The following PAK5 variants were observed in gnomAD, a reference collection of about 807,000 sequenced individuals.
PAK5 encodes the protein serine/threonine-protein kinase PAK 5.
PAK5 carries 16 observed loss-of-function variants against 65.9 expected under a neutral mutation model. The observed-to-expected ratio is 0.24, with a 90% confidence interval of 0.16 to 0.37. The LOEUF (loss-of-function observed/expected upper bound fraction) is 0.37, where lower values mean the gene tolerates loss of function less well. Ranked by LOEUF, PAK5 falls within the 10% of genes least tolerant of loss-of-function variation. The pLI is 1.00. For missense variants in PAK5, 785 were observed against 903.9 expected (o/e 0.87, Z 1.69); for synonymous variants, 371 against 354.9 (o/e 1.05, Z -0.51).
chr20:9,621,658 A>T (rs2123188757), intron 3 of PAK5, among the ~76,000 whole-genome samples: 1 of 152,330 alleles, frequency 6.6e-6, no homozygotes, highest in Admixed American at 6.5e-5. Context: ...TGAAGTTTAA[A>T]TAAGTACAGT....
intron 6 of PAK5, among the ~76,000 whole-genome samples, chr20:9,559,872 G>A (rs2045566609): frequency 6.6e-6 from 1 of 152,180 alleles, no homozygotes; most frequent in African/African-American, 2.4e-5. Context: ...TCTGTGTTCT[G>A]GGTTTTGTGG....
At chr20:9,823,968 G>A (rs2123777363) in intron 1 of PAK5, among the ~76,000 whole-genome samples, 1 of 152,232 alleles carries the variant, frequency 6.6e-6, no homozygotes, top group East Asian at 1.9e-4. Flanking sequence ...GCCATAAAAT[G>A]GGAATAATGA....
chr20:9,562,823 T>A, intron 6 of PAK5, 68 bp downstream of exon 6: 13 of 1,436,476 alleles, frequency 9.0e-6, no homozygotes, highest in Non-Finnish European at 1.3e-5. Flanking sequence ...GAGTTCATAG[T>A]CACTGCGGCT....
At chr20:9,659,656 C>A (rs73240979) in intron 2 of PAK5, among the ~76,000 whole-genome samples, 8 of 152,114 alleles carry the variant, frequency 5.3e-5, no homozygotes, top group African/African-American at 1.7e-4. Flanking sequence ...TTTGCTGTTA[C>A]GAGTAAAGAA....
At chr20:9,828,281 G>A (rs6056915) in intron 1 of PAK5, among the ~76,000 whole-genome samples, 45,784 of 152,078 alleles carry the variant, frequency 0.3, 7,473 homozygotes, top group Admixed American at 0.38. Flanking sequence ...AACTCAAGGC[G>A]TGAATAACTA....
intron 2 of PAK5, among the ~76,000 whole-genome samples, chr20:9,693,417 C>A (rs554986252): frequency 1.3e-5 from 2 of 152,086 alleles, no homozygotes; most frequent in South Asian, 2.1e-4. Context: ...TCTCTCTCTT[C>A]ATCTCTCGTT....
intron 3 of PAK5, among the ~76,000 whole-genome samples, chr20:9,582,746 G>A (rs1364538964): frequency 6.6e-6 from 1 of 152,064 alleles, no homozygotes; most frequent in Non-Finnish European, 1.5e-5. Context: ...CAGGAGACTT[G>A]CTTATTTGCT....
At chr20:9,788,597 C>CA (rs33942633) in intron 1 of PAK5, among the ~76,000 whole-genome samples, 111,032 of 151,938 alleles carry the variant, frequency 0.73, 40,658 homozygotes, top group Admixed American at 0.77. Context: ...TATCACCTTG[C>CA]AAAAAACAGC....
At chr20:9,596,509 G>A (rs559800844) in intron 3 of PAK5, among the ~76,000 whole-genome samples, 13 of 151,966 alleles carry the variant, frequency 8.6e-5, no homozygotes, top group African/African-American at 2.2e-4. Context: ...GGTGGTGGGC[G>A]CCTATAGTCC....
chr20:9,757,173 T>C (rs1256009541), intron 1 of PAK5, among the ~76,000 whole-genome samples: 2 of 152,188 alleles, frequency 1.3e-5, no homozygotes, highest in South Asian at 2.1e-4. Flanking sequence ...ACTATACTTG[T>C]GTTAGAATCC....
chr20:9,539,938 C>T (rs149785506), intron 9 of PAK5, among the ~76,000 whole-genome samples: 51 of 152,318 alleles, frequency 3.3e-4, no homozygotes, highest in African/African-American at 9.1e-4. Context: ...GCTGGTCACA[C>T]GTGCTTGATG....
At chr20:9,572,961 G>T (rs1228218126) in intron 4 of PAK5, among the ~76,000 whole-genome samples, 1 of 152,138 alleles carries the variant, frequency 6.6e-6, no homozygotes, top group Admixed American at 6.5e-5. Context: ...CACCCAGGCT[G>T]CTAAACTGCT....
chr20:9,758,965 G>A (rs2048666912), intron 1 of PAK5, among the ~76,000 whole-genome samples: 2 of 152,022 alleles, frequency 1.3e-5, no homozygotes, highest in African/African-American at 4.8e-5. Context: ...GTAGTTCCAG[G>A]TCTGCTCTCC....
At chr20:9,616,711 G>A (rs1364098067) in intron 3 of PAK5, among the ~76,000 whole-genome samples, 1 of 152,132 alleles carries the variant, frequency 6.6e-6, no homozygotes, top group African/African-American at 2.4e-5. Context: ...GCCCAGACAA[G>A]GCCCAGAGAG....
intron 1 of PAK5, among the ~76,000 whole-genome samples, chr20:9,780,150 T>C (rs1051694373): frequency 2.0e-5 from 3 of 152,104 alleles, no homozygotes; most frequent in African/African-American, 7.2e-5. Flanking sequence ...CTAAGTGAGC[T>C]TTTATTAGCA....
chr20:9,802,555 A>C (rs2049181643), intron 1 of PAK5, among the ~76,000 whole-genome samples: 1 of 152,130 alleles, frequency 6.6e-6, no homozygotes, highest in Non-Finnish European at 1.5e-5. Context: ...GACTTGCTGC[A>C]TACATTTTTG....
In PAK5 at chr20:9,544,349, T is replaced by A; in HGVS notation, c.1869+20A>T. 1 of 1,612,442 alleles carries A rather than the reference T, an allele frequency of 6.2e-7. No homozygotes were observed. Among genetic ancestry groups the A allele is most frequent in the Non-Finnish European group, 8.5e-7 (1 of 1,179,220 alleles). ...AGCCTGTCCCCAGTCCTGCCACGCC[T>A]ATGACTGTGACCCCCTTACCTCTGT... On this transcript the variant is annotated intron_variant, in intron 8 of 9. Coordinates refer to ENST00000353224, the MANE Select transcript of PAK5 (RefSeq NM_177990.4).
At chr20:9,786,930 C>T (rs1357934554) in intron 1 of PAK5, among the ~76,000 whole-genome samples, 1 of 152,096 alleles carries the variant, frequency 6.6e-6, no homozygotes, top group Non-Finnish European at 1.5e-5. Flanking sequence ...CTGCATTGCA[C>T]TGTGGATTTT....
chr20:9,775,679 A>T lies in PAK5; in HGVS notation c.-162+63083T>A, dbSNP rs142995814. 8.8e-3 allele frequency among the ~76,000 whole-genome samples: 1,336 copies of T among 152,310 alleles called. 21 individuals carry two copies. Among genetic ancestry groups the T allele is most frequent in the African/African-American group, 0.031 (1,280 of 41,556 alleles). On this transcript the variant is annotated intron_variant, in intron 1 of 9. Transcript: ENST00000353224. ...TTACAATCATATGCTTTTTACTAGT[A>T]GATCAAAGCACAAAAAGCATAAATC...
Sources: allele counts gnomAD v4.1 joint callset (sites outside exome capture counted in the v4.1 genomes callset), GRCh38; gene constraint gnomAD v4.1.1; transcripts MANE v1.5; gene names NCBI Gene and HGNC (gene_info 2026-07-23, HGNC 2026-07-21).